The following TSPAN7 variants were observed in gnomAD, a reference collection of about 807,000 sequenced individuals.
TSPAN7 encodes the protein tetraspanin-7.
TSPAN7 carries 1 observed loss-of-function variant against 17.6 expected under a neutral mutation model. The observed-to-expected ratio is 0.06, with a 90% CI of 0.02 to 0.27. The LOEUF (loss-of-function observed/expected upper bound fraction) is 0.27. Among genes scored for constraint, TSPAN7 ranks in the 10% least tolerant of loss-of-function variants. The pLI, the probability that TSPAN7 is intolerant of heterozygous loss-of-function variation, is 1.00. For synonymous variants in TSPAN7, 78 were observed against 79.0 expected, an observed-to-expected ratio of 0.99 and a Z score of 0.07; for missense variants, 112 against 201.7, an observed-to-expected ratio of 0.56 and a Z score of 2.69.
intron 6 of TSPAN7, among the ~76,000 whole-genome samples, chrX:38,685,436 A>G (rs1033557754): frequency 5.4e-5 from 6 of 111,757 alleles, no homozygotes; most frequent in African/African-American, 1.6e-4. Context: ...CCCGGTCAAC[A>G]TGGCAAAACC....
At chrX:38,592,052 G>A (rs926039425) in intron 1 of TSPAN7, among the ~76,000 whole-genome samples, 4 of 111,501 alleles carry the variant, frequency 3.6e-5, no homozygotes, top group African/African-American at 1.3e-4. Flanking sequence ...GCTGGAGCAG[G>A]AGGAAGAGAG....
At chrX:38,576,843 G>A (rs2069196734) in intron 1 of TSPAN7, among the ~76,000 whole-genome samples, 1 of 112,138 alleles carries the variant, frequency 8.9e-6, no homozygotes, top group Admixed American at 9.5e-5. Context: ...GATTGCATGA[G>A]TTAGGGTTTT....
intron 1 of TSPAN7, among the ~76,000 whole-genome samples, chrX:38,649,878 CT>C: frequency 8.9e-6 from 1 of 112,182 alleles, no homozygotes; most frequent in Admixed American, 9.4e-5. Context: ...CTAGCACTTG[CT>C]GATAAGATGG....
intron 1 of TSPAN7, among the ~76,000 whole-genome samples, chrX:38,652,329 A>C (rs754079548): frequency 5.4e-4 from 61 of 112,084 alleles, no homozygotes; most frequent in Middle Eastern, 4.6e-3. Context: ...AAACAGTGTA[A>C]CTTAGGCCTT....
intron 1 of TSPAN7, among the ~76,000 whole-genome samples, chrX:38,622,270 G>GTAAC (rs912760901): frequency 1.8e-5 from 2 of 112,820 alleles, no homozygotes; most frequent in African/African-American, 3.2e-5. Context: ...ATAAGAAGCT[G>GTAAC]TAACTTTGGG....
chrX:38,587,409 G>A (rs2069264641), intron 1 of TSPAN7, among the ~76,000 whole-genome samples: 2 of 111,841 alleles, frequency 1.8e-5, no homozygotes, highest in South Asian at 7.4e-4. Flanking sequence ...CCAATTTTAA[G>A]TGTATAATTT....
intron 1 of TSPAN7, among the ~76,000 whole-genome samples, chrX:38,565,486 C>G (rs2069137967): frequency 8.9e-6 from 1 of 112,360 alleles, no homozygotes; most frequent in Admixed American, 9.3e-5. Flanking sequence ...CCTCAGCCTC[C>G]CAAAGTGCTG....
chrX:38,639,114 T>C (rs1259978759), intron 1 of TSPAN7, among the ~76,000 whole-genome samples: 2 of 111,416 alleles, frequency 1.8e-5, no homozygotes, highest in Non-Finnish European at 3.8e-5. Flanking sequence ...CATGTTTATT[T>C]AGTCTTTAGA....
Position 38,687,663 on chromosome X carries a change from T to G in TSPAN7, c.746T>G (p.Val249Gly), listed in dbSNP as rs1314979041. ...RFITANQYEM[V>G] ...ATCACGGCCAATCAGTATGAGATGG[T>G]GTAAGGAGAAGGTAGGTGACAGTGG... Residue 249 changes from valine to glycine, a missense_variant, in exon 7 of 8, where the codon GTG becomes GGG. Transcript: ENST00000378482. 8.3e-7 allele frequency: 1 copy of G among 1,209,511 alleles called. No individual in the cohort carries two copies. The highest frequency in any genetic ancestry group is 2.2e-5 in the Admixed American group (1 of 45,938).
Position 38,569,988 on chromosome X carries a change from C to A in TSPAN7, c.81+8361C>A, listed in dbSNP as rs1056474806. 2.7e-5 allele frequency among the ~76,000 whole-genome samples: 3 copies of A among 111,936 alleles called. No individual in the cohort carries two copies. The South Asian group carries it at 1.1e-3, about 42-fold the overall frequency. On this transcript the variant is annotated intron_variant, in intron 1 of 7. Transcript: ENST00000378482. ...GCTTTTGGATTTCAAGGGAAGTGTT[C>A]TAAGTTGGAACAGACTTACTAAGAC...
intron 1 of TSPAN7, among the ~76,000 whole-genome samples, chrX:38,616,809 C>T (rs2069458270): frequency 9.0e-6 from 1 of 111,435 alleles, no homozygotes; most frequent in South Asian, 3.8e-4. Flanking sequence ...TATGCAATTT[C>T]CTTGAGCCCC....
At chrX:38,589,710 C>A (rs1020492601) in intron 1 of TSPAN7, among the ~76,000 whole-genome samples, 7 of 111,287 alleles carry the variant, frequency 6.3e-5, no homozygotes, top group Admixed American at 1.9e-4. Flanking sequence ...ATTTTCTGTT[C>A]TTTTGCTCTT....
At chrX:38,583,925 AT>A (rs1255264241) in intron 1 of TSPAN7, among the ~76,000 whole-genome samples, 3 of 67,982 alleles carry the variant, frequency 4.4e-5, no homozygotes, top group East Asian at 4.2e-4. Context: ...CATAAACCTG[AT>A]TTTTTTTTCT....
At chrX:38,635,121 C>CCT (rs1424587116) in intron 1 of TSPAN7, among the ~76,000 whole-genome samples, 14 of 109,452 alleles carry the variant, frequency 1.3e-4, no homozygotes, top group Non-Finnish European at 2.5e-4. Context: ...GATTATCCTT[C>CCT]CTCTCTCTCT....
chrX:38,606,796 A>G (rs1312060917), intron 1 of TSPAN7, among the ~76,000 whole-genome samples: 1 of 112,198 alleles, frequency 8.9e-6, no homozygotes, highest in African/African-American at 3.2e-5. Context: ...TGCCAATTTC[A>G]TTGTAAATCT....
intron 1 of TSPAN7, among the ~76,000 whole-genome samples, chrX:38,650,190 T>G (rs1016952097): frequency 8.9e-6 from 1 of 112,103 alleles, no homozygotes; most frequent in African/African-American, 3.2e-5. Context: ...GCCAGCGGCT[T>G]GTGCTTCCCT....
chrX:38,644,751 T>C (rs2069635186), intron 1 of TSPAN7, among the ~76,000 whole-genome samples: 1 of 112,405 alleles, frequency 8.9e-6, no homozygotes, highest in African/African-American at 3.2e-5. Flanking sequence ...TTGATGAAGA[T>C]AGTAGCTAAC....
At chrX:38,629,308 G>A (rs774759433) in intron 1 of TSPAN7, among the ~76,000 whole-genome samples, 3 of 111,921 alleles carry the variant, frequency 2.7e-5, no homozygotes, top group Non-Finnish European at 5.6e-5. Context: ...CACGGTTTGT[G>A]TACTTTGTTG....
At chrX:38,581,197 G>A (rs1273473554) in intron 1 of TSPAN7, among the ~76,000 whole-genome samples, 2 of 112,412 alleles carry the variant, frequency 1.8e-5, no homozygotes, top group Non-Finnish European at 3.8e-5. Flanking sequence ...GTGCTCTTGC[G>A]AGCAACTTAG....
Sources: gnomAD v4.1 joint callset for allele counts (sites outside exome capture counted in the v4.1 genomes callset) on GRCh38, gnomAD v4.1.1 for gene constraint, MANE v1.5 for transcripts, NCBI Gene and HGNC (gene_info 2026-07-23, HGNC 2026-07-21) for gene names.